SGCZ: variants seen among roughly 807,000 people sequenced by gnomAD.
SGCZ encodes the protein sarcoglycan zeta.
Under a neutral mutation model 41.3 loss-of-function variants are expected in SGCZ, and 40 were observed. The ratio of observed to expected loss-of-function variants is 0.97; its 90% CI spans 0.75 to 1.26. The LOEUF (loss-of-function observed/expected upper bound fraction) is 1.26, where lower values mean the gene tolerates loss of function less well. SGCZ is among the 50% of genes most tolerant of loss of function. The pLI, the probability that SGCZ is intolerant of heterozygous loss-of-function variation, is 0.00. For synonymous variants in SGCZ, 206 were observed against 137.5 expected, an observed-to-expected ratio of 1.50 and a Z score of -3.49; for missense variants, 552 against 369.8, an observed-to-expected ratio of 1.49 and a Z score of -4.04.
chr8:14,751,846 G>A (rs1459029313), intron 1 of SGCZ, among the ~76,000 whole-genome samples: 1 of 151,388 alleles, frequency 6.6e-6, no homozygotes, highest in African/African-American at 2.4e-5. Flanking sequence ...ACTGCACCCG[G>A]CCATGAACCC....
intron 1 of SGCZ, among the ~76,000 whole-genome samples, chr8:15,111,936 TTTC>T (rs1807080557): frequency 6.6e-6 from 1 of 152,018 alleles, no homozygotes; most frequent in Non-Finnish European, 1.5e-5. Context: ...CAGTGTTTCA[TTTC>T]TTTATTTCAT....
intron 3 of SGCZ, among the ~76,000 whole-genome samples, chr8:14,278,809 C>G (rs1466516877): frequency 6.6e-6 from 1 of 151,992 alleles, no homozygotes; most frequent in Non-Finnish European, 1.5e-5. Context: ...TGATCTACCT[C>G]TATATTGGAC....
At chr8:14,513,761 G>A (rs1170848809) in intron 2 of SGCZ, among the ~76,000 whole-genome samples, 4 of 152,014 alleles carry the variant, frequency 2.6e-5, no homozygotes, top group Admixed American at 6.6e-5. Context: ...GTTTGGCAAC[G>A]TATTTTAATT....
chr8:14,203,122 G>A (rs1272120047), intron 4 of SGCZ, among the ~76,000 whole-genome samples: 1 of 152,184 alleles, frequency 6.6e-6, no homozygotes, highest in East Asian at 1.9e-4. Flanking sequence ...ATGTGGAACT[G>A]TAAGCCCAAT....
At chr8:15,160,258 T>G (rs1210520176) in intron 1 of SGCZ, among the ~76,000 whole-genome samples, 1 of 152,206 alleles carries the variant, frequency 6.6e-6, no homozygotes, top group Non-Finnish European at 1.5e-5. Flanking sequence ...CTCAGAATAA[T>G]GTCCTCAAGA....
intron 1 of SGCZ, among the ~76,000 whole-genome samples, chr8:15,000,927 T>C (rs1278664387): frequency 1.3e-5 from 2 of 152,232 alleles, no homozygotes; most frequent in South Asian, 2.1e-4. Flanking sequence ...GTGTCCTTAA[T>C]TCTTTCTTTG....
At chr8:14,434,151 G>A (rs1022720839) in intron 2 of SGCZ, among the ~76,000 whole-genome samples, 1 of 152,152 alleles carries the variant, frequency 6.6e-6, no homozygotes, top group Non-Finnish European at 1.5e-5. Flanking sequence ...TGCATAAGCT[G>A]AGAGATGAGG....
intron 2 of SGCZ, among the ~76,000 whole-genome samples, chr8:14,511,795 C>G (rs1310467022): frequency 1.3e-5 from 2 of 152,066 alleles, no homozygotes; most frequent in Non-Finnish European, 2.9e-5. Flanking sequence ...CCCACCAACT[C>G]TTCTGGAATT....
chr8:14,928,863 T>C (rs1294804662), intron 1 of SGCZ, among the ~76,000 whole-genome samples: 2 of 152,316 alleles, frequency 1.3e-5, no homozygotes, highest in East Asian at 3.9e-4. Flanking sequence ...CAGAAATGAA[T>C]GGATAATGTG....
chr8:14,304,113 GCCA>G (rs1801278148), intron 3 of SGCZ, among the ~76,000 whole-genome samples: 1 of 151,962 alleles, frequency 6.6e-6, no homozygotes, highest in Admixed American at 6.6e-5. Context: ...AAATCATAAG[GCCA>G]CCTATAAGGG....
intron 2 of SGCZ, among the ~76,000 whole-genome samples, chr8:14,332,056 TTTTTA>T (rs1380817306): frequency 3.3e-5 from 5 of 152,242 alleles, no homozygotes; most frequent in African/African-American, 1.2e-4. Context: ...CAAATACATA[TTTTTA>T]TTTTAACTAT....
At chr8:14,685,856 C>T (rs1339155218) in intron 1 of SGCZ, among the ~76,000 whole-genome samples, 1 of 152,024 alleles carries the variant, frequency 6.6e-6, no homozygotes, top group African/African-American at 2.4e-5. Flanking sequence ...AATGAATAAA[C>T]CTTTCACTGA....
intron 1 of SGCZ, among the ~76,000 whole-genome samples, chr8:14,975,986 GTA>G (rs538006541): frequency 0.028 from 3,207 of 113,742 alleles, 133 homozygotes; most frequent in African/African-American, 0.084. Flanking sequence ...GTGTATGTGT[GTA>G]TATATATATA....
chr8:15,096,464 G>C (rs1187582923), intron 1 of SGCZ, among the ~76,000 whole-genome samples: 1 of 152,124 alleles, frequency 6.6e-6, no homozygotes, highest in Non-Finnish European at 1.5e-5. Context: ...GGAGACACTT[G>C]TGAGATGAAA....
At chr8:14,726,084 C>G (rs562598855) in intron 1 of SGCZ, among the ~76,000 whole-genome samples, 204 of 151,754 alleles carry the variant, frequency 1.3e-3, no homozygotes, top group African/African-American at 4.8e-3. Flanking sequence ...CTGTGAAACC[C>G]TGTCTCTACT....
chr8:15,002,457 T>A (rs1261607249), intron 1 of SGCZ, among the ~76,000 whole-genome samples: 1 of 152,148 alleles, frequency 6.6e-6, no homozygotes, highest in East Asian at 1.9e-4. Flanking sequence ...AGAAGAGCTG[T>A]CAGACACATT....
chr8:15,016,205 C>G (rs945123922), intron 1 of SGCZ, among the ~76,000 whole-genome samples: 1 of 152,148 alleles, frequency 6.6e-6, no homozygotes, highest in South Asian at 2.1e-4. Flanking sequence ...TACACCTGCC[C>G]CATTCCATCC....
intron 2 of SGCZ, among the ~76,000 whole-genome samples, chr8:14,397,235 C>A (rs1798944753): frequency 6.6e-6 from 1 of 152,042 alleles, no homozygotes; most frequent in Admixed American, 6.6e-5. Flanking sequence ...TGAGATGAGG[C>A]TATTTATAAT....
chr8:14,282,705 G>A (rs919295508), intron 3 of SGCZ, among the ~76,000 whole-genome samples: 3 of 151,912 alleles, frequency 2.0e-5, no homozygotes, highest in African/African-American at 7.3e-5. Flanking sequence ...TTCCTCAAAT[G>A]TTCCTTCTGC....
Sources: gnomAD v4.1 joint callset for allele counts (sites outside exome capture counted in the v4.1 genomes callset) on GRCh38, gnomAD v4.1.1 for gene constraint, MANE v1.5 for transcripts, NCBI Gene and HGNC (gene_info 2026-07-23, HGNC 2026-07-21) for gene names.